Variants in RCCD1 observed in about 807,000 individuals in gnomAD.
RCCD1 encodes the protein RCC1 domain-containing protein 1.
RCCD1 carries 40 observed loss-of-function variants against 37.6 expected under a neutral mutation model. That is an observed-to-expected ratio of 1.06 (90% CI 0.83 to 1.39). The LOEUF (loss-of-function observed/expected upper bound fraction) is 1.39, where lower values mean the gene tolerates loss of function less well. Ranked by LOEUF, RCCD1 falls within the 40% of genes most tolerant of loss-of-function variation. The pLI is 0.00. For synonymous variants in RCCD1, 263 were observed against 230.0 expected (o/e 1.14, Z -1.30); for missense variants, 577 against 517.3 (o/e 1.12, Z -1.12).
rs181563086 is a variant in RCCD1 at position 90,961,714 on chromosome 15, T to A, written c.1076T>A (p.Val359Asp). The part of the protein sequence containing the change: ...FVDKQLQVKA[V>D]TCGPWNTYVY... ...GATAAGCAACTCCAAGTAAAGGCTGTCACCTGTGGGCCGTGGAACACCTAC... is the reference window on the plus strand; with the variant it reads ...GATAAGCAACTCCAAGTAAAGGCTGACACCTGTGGGCCGTGGAACACCTAC... Residue 359 changes from valine (V) to aspartate (D), a missense_variant, in exon 8 of 8, where the codon GTC (valine) becomes GAC (aspartate). Val to Asp is a radical substitution (Grantham distance 152). Coordinates refer to ENST00000394258, the MANE Select transcript of RCCD1 (RefSeq NM_001017919.2). 17 of 1,614,140 alleles carry A rather than the reference T, an allele frequency of 1.1e-5. No individual in the cohort carries two copies. The Admixed American group carries it at 2.7e-4, about 25-fold the overall frequency.
rs2037215059 is a variant in RCCD1 at position 90,957,212 on chromosome 15, G to T, written c.266G>T (p.Gly89Val). The change falls in exon 3 of 8, where the codon GGG (glycine) becomes GTG (valine). Residue 89 changes from glycine to valine, a missense_variant. Gly to Val is a moderately radical substitution (Grantham distance 109). Transcript: ENST00000394258. ...SEGLLAVLRAGPGPEALLQVW... is the reference protein window; with the variant it reads ...SEGLLAVLRAVPGPEALLQVW... ...GGGCTCCTCGCGGTGCTGCGCGCCG[G>T]GCCGGGGCCGGAGGCGTTACTGCAG... is the stretch of plus-strand genomic sequence containing the variant. The T allele has an allele frequency of 7.1e-7, 1 of 1,412,636 alleles. No homozygotes were observed. The highest frequency in any genetic ancestry group is 9.2e-7 in the Non-Finnish European group (1 of 1,086,588). The allele number at this position is 1,412,636 out of a possible 1,614,324, so 87.5% of individuals were successfully genotyped here. A position where few individuals can be genotyped will look rare whatever the true frequency, so the allele number is the denominator to read the frequency against.
In RCCD1 at chr15:90,960,571, ACTT is replaced by A. The variant is rs891689995; in HGVS notation, c.949+76_949+78del. The A allele has an allele frequency of 2.8e-6, 4 of 1,449,236 alleles. No individual in the cohort carries two copies. The African/African-American group carries it at 4.2e-5, about 15-fold the overall frequency. 89.8% of individuals were successfully genotyped at this position (1,449,236 alleles called of 1,614,324 possible). A position where few individuals can be genotyped will look rare whatever the true frequency, so the allele number is the denominator to read the frequency against. Reference sequence around the variant, plus strand: ...GGAAGGGGGTGTGGTCGACGGAAAAACTTCTGTCTTAAGGCTTCTGTGGCTCAT... The same window carrying A: ...GGAAGGGGGTGTGGTCGACGGAAAAACTGTCTTAAGGCTTCTGTGGCTCAT... On this transcript the variant is annotated intron_variant, in intron 6 of 7. Coordinates refer to ENST00000394258, the MANE Select transcript of RCCD1 (RefSeq NM_001017919.2).
At chr15:90,959,469 A>G (rs2037270412) in intron 4 of RCCD1, among the ~76,000 whole-genome samples, 2 of 152,170 alleles carry the variant, frequency 1.3e-5, no homozygotes, top group African/African-American at 4.8e-5. Context: ...TTACTTATTT[A>G]GAGACAGGGA....
At position 90,956,772 on chromosome 15, in the gene RCCD1, G is replaced by A. The variant is rs547362625; in HGVS notation, c.38G>A (p.Gly13Asp). 7.5e-7 allele frequency: 1 copy of A among 1,336,384 alleles called. No homozygotes were observed. The allele number at this position is 1,336,384 out of a possible 1,614,324, so 82.8% of individuals were successfully genotyped here. Residue 13 changes from glycine to aspartate, a missense_variant, in exon 2 of 8, where the codon GGT (glycine) becomes GAT (aspartate). Physicochemically the swap from Gly to Asp is moderately conservative, Grantham distance 94. Coordinates refer to ENST00000394258, the MANE Select transcript of RCCD1 (RefSeq NM_001017919.2). Reference protein sequence around the residue: ...EERPGAWFGFGFCGFGQELGS... With the variant: ...EERPGAWFGFDFCGFGQELGS... ...CGGCCGGGGGCCTGGTTCGGCTTCGGTTTCTGCGGCTTCGGGCAGGAGCTG... is the reference window on the plus strand; with the variant it reads ...CGGCCGGGGGCCTGGTTCGGCTTCGATTTCTGCGGCTTCGGGCAGGAGCTG...
chr15:90,960,872 G>T, intron 6 of RCCD1, 153 bp from the exon 7 acceptor site: 1 of 784,790 alleles, frequency 1.3e-6, no homozygotes. Flanking sequence ...TGCCACGTGT[G>T]ATCAGCCAGT....
At chr15:90,960,103 T>C (rs2037283960) in intron 5 of RCCD1, 105 bp downstream of exon 5, 3 of 1,023,956 alleles carry the variant, frequency 2.9e-6, no homozygotes, top group Admixed American at 2.2e-5. Context: ...AGATGGAGCA[T>C]GTGAGCCCCT....
chr15:90,959,954 C>T lies in RCCD1; in HGVS notation c.734C>T (p.Pro245Leu), dbSNP rs2037280309. 1 of 1,613,784 alleles carries T rather than the reference C, an allele frequency of 6.2e-7. No homozygotes were observed. The highest frequency in any genetic ancestry group is 8.5e-7 in the Non-Finnish European group (1 of 1,179,888). Residue 245 changes from proline to leucine, a missense_variant, in exon 5 of 8, where the codon CCC (proline) becomes CTC (leucine). By Grantham distance (98) the Pro-to-Leu change is moderately conservative. Transcript: ENST00000394258. ...AATGAATCAGGGCAGCTGGCCCTGC[C>T]CACCAGGAACCTGGCAGAGGATGGA... ...GWNESGQLAL[P>L]TRNLAEDGET...
At position 90,957,301 on chromosome 15, in the gene RCCD1, G is replaced by T. The variant is rs2037218011; in HGVS notation, c.355G>T (p.Ala119Ser). The T allele has an allele frequency of 6.5e-7, 1 of 1,534,708 alleles. No homozygotes were observed. Among genetic ancestry groups the T allele is most frequent in the African/African-American group, 1.4e-5 (1 of 72,332 alleles). Reference protein sequence around the residue: ...PLWAQNVVPEAEGEDDPAGEA... With the variant: ...PLWAQNVVPESEGEDDPAGEA... Reference sequence around the variant, plus strand: ...GTGGGCCCAGAATGTGGTGCCCGAGGCCGAAGGGGAAGACGATCCGGCCGG... The same window carrying T: ...GTGGGCCCAGAATGTGGTGCCCGAGTCCGAAGGGGAAGACGATCCGGCCGG... The change falls in exon 3 of 8, where the codon GCC (alanine) becomes TCC (serine). Residue 119 changes from alanine (A) to serine (S), a missense_variant. By Grantham distance (99) the Ala-to-Ser change is moderately conservative. Transcript: ENST00000394258.
chr15:90,958,802 C>G (rs1014809724), intron 4 of RCCD1, among the ~76,000 whole-genome samples: 1 of 146,942 alleles, frequency 6.8e-6, no homozygotes, highest in Non-Finnish European at 1.5e-5. Context: ...CGTGGCGGCT[C>G]GTGCCTGTGG....
chr15:90,956,609 C>A lies in RCCD1; in HGVS notation c.-123-3C>A, dbSNP rs2037198191. 1.1e-6 allele frequency: 1 copy of A among 901,376 alleles called. No individual in the cohort carries two copies. Among genetic ancestry groups the A allele is most frequent in the Non-Finnish European group, 1.5e-6 (1 of 687,418 alleles). The allele number at this position is 901,376 out of a possible 1,614,324, so 55.8% of individuals were successfully genotyped here. The stretch of plus-strand genomic sequence containing the variant: ...GGAGAATGATAGTTTCTCCATTTTA[C>A]AGATAAGGCAGCTCCAGCCCCTGGA... On this transcript the variant is annotated splice_region_variant and splice_polypyrimidine_tract_variant and intron_variant, in intron 1 of 7. Transcript: ENST00000394258.
intron 4 of RCCD1, 54 bp from the exon 5 acceptor site, chr15:90,959,846 G>A: frequency 7.3e-7 from 1 of 1,378,604 alleles, no homozygotes; most frequent in African/African-American, 1.4e-5. Flanking sequence ...GGAGAGTTTG[G>A]ATGGATGCAG....
At position 90,962,686 on chromosome 15, in the gene RCCD1, T is replaced by C. The variant is rs1000362431; in HGVS notation, c.*917T>C. The C allele has an allele frequency of 6.6e-6, 1 of 152,076 alleles. No individual in the cohort carries two copies. The highest frequency in any genetic ancestry group is 6.6e-5 in the Admixed American group (1 of 15,256). The allele number at this position is 152,076 out of a possible 1,614,324, so 9.4% of individuals were successfully genotyped here. A position where few individuals can be genotyped will look rare whatever the true frequency, so the allele number is the denominator to read the frequency against. On this transcript the variant is annotated 3_prime_UTR_variant, in exon 8 of 8. Transcript: ENST00000394258. ...CAGGGAGATTGCTTGAGGCGAAGAG[T>C]TCATATGTTTATTGGCCACTTGGAG... is the stretch of plus-strand genomic sequence containing the variant.
At position 90,957,219 on chromosome 15, in the gene RCCD1, G is replaced by T; in HGVS notation, c.273G>T (p.Gly91=). ...GLLAVLRAGP[G]PEALLQVWAA... The stretch of plus-strand genomic sequence containing the variant: ...TCGCGGTGCTGCGCGCCGGGCCGGG[G>T]CCGGAGGCGTTACTGCAGGTCTGGG... Residue 91 remains glycine, a synonymous_variant, in exon 3 of 8, where the codon GGG becomes GGT. Coordinates refer to ENST00000394258, the MANE Select transcript of RCCD1 (RefSeq NM_001017919.2). 4 of 1,421,378 alleles carry T rather than the reference G, an allele frequency of 2.8e-6. No homozygotes were observed. The South Asian group carries it at 6.1e-5, about 22-fold the overall frequency. 88.0% of individuals were successfully genotyped at this position (1,421,378 alleles called of 1,614,324 possible). A position where few individuals can be genotyped will look rare whatever the true frequency, so the allele number is the denominator to read the frequency against.
intron 6 of RCCD1, 23 bp downstream of exon 6, chr15:90,960,521 CT>C (rs767842428): frequency 1.5e-5 from 24 of 1,594,254 alleles, no homozygotes; most frequent in Non-Finnish European, 8.5e-7. Context: ...GGGAGGCACT[CT>C]GCTCCACTCG....
In RCCD1 at chr15:90,960,968, A is replaced by C. The variant is rs2037302965; in HGVS notation, c.950-57A>C. On this transcript the variant is annotated intron_variant, in intron 6 of 7. Coordinates refer to ENST00000394258, the MANE Select transcript of RCCD1 (RefSeq NM_001017919.2). ...TGTGGGCTGTGCCAAGCTGGGCTGG[A>C]CAGATGCCTTGCCAAAGAACCGTAG... 3.8e-6 allele frequency: 6 copies of C among 1,577,366 alleles called. No individual in the cohort carries two copies. The Admixed American group carries it at 5.0e-5, about 13-fold the overall frequency.
chr15:90,957,696 C>CGG lies in RCCD1; in HGVS notation c.655_656dup (p.Trp220AlafsTer7). The CGG allele has an allele frequency of 6.2e-7, 1 of 1,612,672 alleles. No individual in the cohort carries two copies. The highest frequency in any genetic ancestry group is 8.5e-7 in the Non-Finnish European group (1 of 1,179,266). Reference sequence around the variant, plus strand: ...GGCCTAGTCATGGCTGAGGTGGCCGCGGGGGGCTGGCATTCTGTGTGTGTG... The same window carrying CGG: ...GGCCTAGTCATGGCTGAGGTGGCCGCGGGGGGGGCTGGCATTCTGTGTGTGTG... On this transcript the variant is annotated frameshift_variant, in exon 4 of 8. Coordinates refer to ENST00000394258, the MANE Select transcript of RCCD1 (RefSeq NM_001017919.2). LOFTEE classifies it high-confidence loss of function.
chr15:90,960,633 C>A, intron 6 of RCCD1, 135 bp downstream of exon 6: 1 of 809,526 alleles, frequency 1.2e-6, no homozygotes, highest in Non-Finnish European at 1.9e-6. Context: ...GGATAAGCCC[C>A]AACCCCCTTG....
Position 90,957,386 on chromosome 15 carries a change from G to C in RCCD1, c.440G>C (p.Arg147Pro), listed in dbSNP as rs1278240648. 6.5e-7 allele frequency: 1 copy of C among 1,544,010 alleles called. No individual in the cohort carries two copies. Among genetic ancestry groups the C allele is most frequent in the East Asian group, 2.4e-5 (1 of 40,872 alleles). Residue 147 changes from arginine to proline, a missense_variant, in exon 3 of 8, where the codon CGG becomes CCG. Physicochemically the swap from Arg to Pro is moderately radical, Grantham distance 103. Transcript: ENST00000394258. ...TGCGCCCGTGCCTACGTGAGCCCGCGGGCGCCCTTCTACCGGCCTCTGGCT... is the reference window on the plus strand; with the variant it reads ...TGCGCCCGTGCCTACGTGAGCCCGCCGGCGCCCTTCTACCGGCCTCTGGCT... ...LPCARAYVSP[R>P]APFYRPLAPE...
intron 6 of RCCD1, 58 bp downstream of exon 6, chr15:90,960,556 G>T (rs2037294866): frequency 1.7e-5 from 26 of 1,523,090 alleles, no homozygotes; most frequent in South Asian, 1.7e-4. Context: ...GGAAGGGGGT[G>T]TGGTCGACGG....
Sources: gnomAD v4.1 joint callset for allele counts (sites outside exome capture counted in the v4.1 genomes callset) on GRCh38, gnomAD v4.1.1 for gene constraint, MANE v1.5 for transcripts, NCBI Gene and HGNC (gene_info 2026-07-23, HGNC 2026-07-21) for gene names.